FRK: variants seen among roughly 807,000 people sequenced by gnomAD.
FRK encodes the protein tyrosine-protein kinase FRK.
FRK carries 51 observed loss-of-function variants against 56.4 expected under a neutral mutation model. That is an observed-to-expected ratio of 0.90 (90% CI 0.72 to 1.14). FRK has a LOEUF of 1.14. Among genes scored for constraint, FRK ranks in the 50% most tolerant of loss-of-function variants. FRK has a pLI of 0.00. For missense variants in FRK, 570 were observed against 601.4 expected (o/e 0.95, Z 0.55); for synonymous variants, 245 against 217.9 (o/e 1.12, Z -1.10).
intron 1 of FRK, among the ~76,000 whole-genome samples, chr6:116,013,790 T>C (rs1199067849): frequency 1.3e-5 from 2 of 152,138 alleles, no homozygotes; most frequent in African/African-American, 2.4e-5. Context: ...ATACCAAATT[T>C]GAGTTTAGTC....
At chr6:115,946,095 C>T (rs1385546260) in intron 5 of FRK, among the ~76,000 whole-genome samples, 4 of 152,098 alleles carry the variant, frequency 2.6e-5, no homozygotes, top group Admixed American at 2.0e-4. Context: ...AAAAGAATCT[C>T]ACATCAACTC....
At position 115,938,060 on chromosome 6, in the gene FRK, T is replaced by C. The variant is rs1772082951; in HGVS notation, c.*4354A>G. ...CACCTCATCGCACTTATTCTAAAAG[T>C]GATCACATAATTGGAAGTAAAACAC... is the stretch of plus-strand genomic sequence containing the variant. On this transcript the variant is annotated 3_prime_UTR_variant, in exon 8 of 8. Coordinates refer to ENST00000606080, the MANE Select transcript of FRK (RefSeq NM_002031.3). 6.6e-6 allele frequency: 1 copy of C among 152,140 alleles called. No individual in the cohort carries two copies. The highest frequency in any genetic ancestry group is 2.4e-5 in the African/African-American group (1 of 41,424). 9.4% of individuals were successfully genotyped at this position (152,140 alleles called of 1,614,324 possible).
At chr6:116,078,677 A>G in the FRK span, among the ~76,000 whole-genome samples, 2 of 152,206 alleles carry the variant, frequency 1.3e-5, no homozygotes, top group African/African-American at 4.8e-5. Context: ...GTATTATAAC[A>G]CAGATAAAGA....
chr6:116,061,176 A>C (rs542432289), upstream of FRK, among the ~76,000 whole-genome samples: 1 of 152,320 alleles, frequency 6.6e-6, no homozygotes, highest in East Asian at 1.9e-4. Flanking sequence ...AAATTTAAAA[A>C]GGCAAATTAA....
At chr6:116,049,488 G>C (rs1777109485) in intron 1 of FRK, among the ~76,000 whole-genome samples, 1 of 152,182 alleles carries the variant, frequency 6.6e-6, no homozygotes, top group South Asian at 2.1e-4. Context: ...GGCACAAAGA[G>C]TCTTGCATAG....
At chr6:116,055,672 A>G (rs2114827375) in intron 1 of FRK, among the ~76,000 whole-genome samples, 1 of 152,336 alleles carries the variant, frequency 6.6e-6, no homozygotes, top group African/African-American at 2.4e-5. Context: ...CAAATTATAT[A>G]TATATAACAA....
At position 115,968,160 on chromosome 6, in the gene FRK, C is replaced by G. The variant is rs1174678992; in HGVS notation, c.630+416G>C. On this transcript the variant is annotated intron_variant, in intron 3 of 7. Coordinates refer to ENST00000606080, the MANE Select transcript of FRK (RefSeq NM_002031.3). ...TTTATATTTTTCAAACTCATTTTTT[C>G]ATTTCTTTATTTGTTCATTCATTTA... Among the ~76,000 whole-genome samples the G allele has an allele frequency of 5.3e-5, 8 of 152,202 alleles. No individual in the cohort carries two copies. The East Asian group carries it at 1.5e-3, about 29-fold the overall frequency.
rs113946339 is a variant in FRK, at chr6:115,958,291, C to A, written c.800-1681G>T. On this transcript the variant is annotated intron_variant, in intron 4 of 7. Transcript: ENST00000606080. ...GGAATCCCCCCACTACCACCCCCCC[C>A]AAAAAAGAAGCTTCCAATGATAGCA... Among the ~76,000 whole-genome samples, 15 of 119,834 alleles carry A rather than the reference C, an allele frequency of 1.3e-4. No homozygotes were observed. The East Asian group carries it at 2.5e-3, about 20-fold the overall frequency. 78.6% of individuals were successfully genotyped at this position (119,834 alleles called of 152,430 possible).
intron 1 of FRK, among the ~76,000 whole-genome samples, chr6:116,028,815 C>A (rs1374475525): frequency 6.6e-6 from 1 of 152,078 alleles, no homozygotes; most frequent in Non-Finnish European, 1.5e-5. Context: ...TTGGGGACTT[C>A]CACATAAAGA....
intron 4 of FRK, among the ~76,000 whole-genome samples, chr6:115,958,640 A>C (rs868191042): frequency 3.1e-4 from 2 of 6,452 alleles, no homozygotes; most frequent in Admixed American, 2.6e-3. Context: ...AAAAGGAAAG[A>C]AAGAAAAGAA....
chr6:115,998,572 G>A (rs1016766060), intron 2 of FRK, among the ~76,000 whole-genome samples: 1 of 152,118 alleles, frequency 6.6e-6, no homozygotes, highest in African/African-American at 2.4e-5. Context: ...TTTACACACT[G>A]CCACCTTAAA....
intron 5 of FRK, among the ~76,000 whole-genome samples, chr6:115,945,011 C>G (rs1359595628): frequency 2.6e-5 from 4 of 152,134 alleles, no homozygotes; most frequent in Non-Finnish European, 5.9e-5. Flanking sequence ...ATAATGGCCT[C>G]CAGCTCCATC....
intron 2 of FRK, among the ~76,000 whole-genome samples, chr6:115,984,946 T>G (rs892915866): frequency 6.6e-6 from 1 of 152,080 alleles, no homozygotes; most frequent in Non-Finnish European, 1.5e-5. Flanking sequence ...TCAAGAAAGC[T>G]TCAATAAGCA....
chr6:116,098,654 A>G, the FRK span, among the ~76,000 whole-genome samples: 2 of 152,208 alleles, frequency 1.3e-5, no homozygotes, highest in Non-Finnish European at 2.9e-5. Flanking sequence ...AGAAACAGAA[A>G]TTAATTGGTA....
At chr6:116,071,098 A>G in the FRK span, among the ~76,000 whole-genome samples, 1 of 152,158 alleles carries the variant, frequency 6.6e-6, no homozygotes, top group East Asian at 1.9e-4. Flanking sequence ...TTGGAAAAGT[A>G]ACTGAGTCTT....
chr6:115,954,798 C>G (rs1381530575), intron 5 of FRK, among the ~76,000 whole-genome samples: 1 of 152,200 alleles, frequency 6.6e-6, no homozygotes, highest in African/African-American at 2.4e-5. Flanking sequence ...AACAGAATTA[C>G]TTCTGTCACT....
the FRK span, among the ~76,000 whole-genome samples, chr6:116,079,327 G>A: frequency 6.6e-6 from 1 of 151,294 alleles, no homozygotes. Context: ...GTGATATTGG[G>A]CATCTTAATT....
chr6:116,075,459 C>T, the FRK span, among the ~76,000 whole-genome samples: 3 of 92,348 alleles, frequency 3.2e-5, no homozygotes, highest in African/African-American at 1.3e-4. Flanking sequence ...AGCTTAAGAG[C>T]TGGGGGAAAA....
intron 4 of FRK, among the ~76,000 whole-genome samples, chr6:115,960,135 G>A (rs951242390): frequency 5.3e-5 from 8 of 151,830 alleles, no homozygotes; most frequent in South Asian, 2.1e-4. Flanking sequence ...CTGAGGTACC[G>A]GGTTCATCTC....
Sources: gnomAD v4.1 joint callset for allele counts (sites outside exome capture counted in the v4.1 genomes callset) on GRCh38, gnomAD v4.1.1 for gene constraint, MANE v1.5 for transcripts, NCBI Gene and HGNC (gene_info 2026-07-23, HGNC 2026-07-21) for gene names.